HIKESHI: variants seen among roughly 807,000 people sequenced by gnomAD.
The protein encoded by HIKESHI is protein Hikeshi.
HIKESHI carries 13 observed loss-of-function variants against 25.7 expected under a neutral mutation model. The observed-to-expected ratio is 0.51, with a 90% CI of 0.33 to 0.80. The LOEUF (loss-of-function observed/expected upper bound fraction) is 0.80, where lower values mean the gene tolerates loss of function less well. Ranked by LOEUF, HIKESHI falls within the 30% of genes least tolerant of loss-of-function variation. HIKESHI has a pLI of 0.02. For synonymous variants in HIKESHI, 76 were observed against 78.7 expected (o/e 0.97, Z 0.18); for missense variants, 174 against 229.5 (o/e 0.76, Z 1.56).
chr11:86,308,267 G>A (rs11821622), intron 2 of HIKESHI, among the ~76,000 whole-genome samples: 4,623 of 53,080 alleles, frequency 0.087, 141 homozygotes, highest in African/African-American at 0.16. Flanking sequence ...CATATAAAAT[G>A]TGTATTATAT....
intron 2 of HIKESHI, among the ~76,000 whole-genome samples, chr11:86,307,462 G>A (rs1208723960): frequency 7.4e-6 from 1 of 135,950 alleles, no homozygotes; most frequent in African/African-American, 2.7e-5. Context: ...ATTATGTGTA[G>A]TATACATTAT....
chr11:86,345,641 T>A lies in HIKESHI; in HGVS notation c.*3T>A, dbSNP rs1947852356. The A allele has an allele frequency of 6.6e-7, 1 of 1,515,984 alleles. No homozygotes were observed. Among genetic ancestry groups the A allele is most frequent in the African/African-American group, 1.4e-5 (1 of 71,760 alleles). 93.9% of individuals were successfully genotyped at this position (1,515,984 alleles called of 1,614,324 possible). On this transcript the variant is annotated 3_prime_UTR_variant, in exon 5 of 5. Transcript: ENST00000278483. ...ACCCTCTCTTTTGGAAAACATAATT[T>A]GAATAAAATAATTTTTAATGGATTC...
intron 2 of HIKESHI, among the ~76,000 whole-genome samples, chr11:86,313,432 A>G (rs1029371605): frequency 3.9e-5 from 6 of 152,008 alleles, no homozygotes; most frequent in Admixed American, 3.3e-4. Flanking sequence ...GGGTTTCACC[A>G]TGTCAGCCAG....
chr11:86,323,408 A>G (rs996678190), intron 2 of HIKESHI, among the ~76,000 whole-genome samples: 2 of 152,198 alleles, frequency 1.3e-5, no homozygotes, highest in Non-Finnish European at 2.9e-5. Flanking sequence ...CTATATAATA[A>G]TCATAAGCAA....
rs79007376 is a variant in HIKESHI, at chr11:86,303,079, T to C, written c.30+601T>C. Among the ~76,000 whole-genome samples, 483 of 152,290 alleles carry C rather than the reference T, an allele frequency of 3.2e-3. 1 individual carries two copies. Among genetic ancestry groups the C allele is most frequent in the African/African-American group, 0.011 (463 of 41,560 alleles). On this transcript the variant is annotated intron_variant, in intron 1 of 4. Transcript: ENST00000278483. ...GATAACCAGAGAAGGATGCGAGTAG[T>C]GTGTTTCCTTATGGGTCAAAATAGA...
intron 2 of HIKESHI, among the ~76,000 whole-genome samples, chr11:86,326,952 A>G (rs1247731035): frequency 6.6e-6 from 1 of 152,168 alleles, no homozygotes; most frequent in Non-Finnish European, 1.5e-5. Flanking sequence ...AGAGCTGGGC[A>G]TGGTGGCGTG....
chr11:86,305,658 G>A (rs973797347), intron 1 of HIKESHI, among the ~76,000 whole-genome samples: 6 of 150,418 alleles, frequency 4.0e-5, no homozygotes, highest in Non-Finnish European at 5.9e-5. Flanking sequence ...GATTACAGCC[G>A]TGAGCCACCG....
chr11:86,337,201 A>G (rs1045776122), intron 2 of HIKESHI, among the ~76,000 whole-genome samples, 178 bp from the exon 3 acceptor site: 1 of 152,154 alleles, frequency 6.6e-6, no homozygotes, highest in African/African-American at 2.4e-5. Flanking sequence ...TAGTTCTTTT[A>G]TTCTTTGTTA....
chr11:86,310,624 C>T (rs1946810905), intron 2 of HIKESHI, among the ~76,000 whole-genome samples: 1 of 152,182 alleles, frequency 6.6e-6, no homozygotes, highest in Non-Finnish European at 1.5e-5. Flanking sequence ...TGAGAGAGGG[C>T]ATCCCTGTTT....
chr11:86,342,868 A>G (rs1435383215), intron 3 of HIKESHI, among the ~76,000 whole-genome samples: 2 of 152,234 alleles, frequency 1.3e-5, no homozygotes, highest in Non-Finnish European at 2.9e-5. Context: ...CAAAATATGT[A>G]TAGGTATTCT....
intron 2 of HIKESHI, among the ~76,000 whole-genome samples, chr11:86,320,177 A>G (rs1315085701): frequency 6.6e-6 from 1 of 152,252 alleles, no homozygotes; most frequent in Non-Finnish European, 1.5e-5. Flanking sequence ...TGATTTATAT[A>G]TGATGTATTC....
At chr11:86,345,464 A>AT (rs377658287) in intron 4 of HIKESHI, 120 bp from the exon 5 acceptor site, 139 of 611,072 alleles carry the variant, frequency 2.3e-4, no homozygotes, top group South Asian at 2.2e-3. Context: ...ATCTTTTTAG[A>AT]TTTTTTATAG....
chr11:86,332,432 GA>G (rs769335510), intron 2 of HIKESHI, among the ~76,000 whole-genome samples: 4 of 149,662 alleles, frequency 2.7e-5, no homozygotes, highest in East Asian at 1.9e-4. Flanking sequence ...GAACAGAGAG[GA>G]AAAAAAAATA....
intron 2 of HIKESHI, among the ~76,000 whole-genome samples, chr11:86,321,564 C>G (rs931554056): frequency 2.0e-5 from 3 of 151,878 alleles, no homozygotes; most frequent in Admixed American, 6.6e-5. Context: ...ACGTGTCACT[C>G]TGTTGCCCAG....
chr11:86,327,505 G>A (rs767290246), intron 2 of HIKESHI, among the ~76,000 whole-genome samples: 15 of 152,040 alleles, frequency 9.9e-5, no homozygotes, highest in East Asian at 1.9e-4. Flanking sequence ...TAGTAGAGAC[G>A]GGGTTTCGCC....
chr11:86,328,375 C>T (rs1342244268), intron 2 of HIKESHI, among the ~76,000 whole-genome samples: 2 of 151,692 alleles, frequency 1.3e-5, no homozygotes, highest in Non-Finnish European at 2.9e-5. Flanking sequence ...TCTTATGCCT[C>T]AGCTTCCTGA....
At position 86,331,203 on chromosome 11, in the gene HIKESHI, G is replaced by C. The variant is rs576984122; in HGVS notation, c.269-6176G>C. 3.3e-5 allele frequency among the ~76,000 whole-genome samples: 5 copies of C among 152,208 alleles called. No homozygotes were observed. In the South Asian group the frequency reaches 1.0e-3, roughly 32 times the overall value. On this transcript the variant is annotated intron_variant, in intron 2 of 4. Transcript: ENST00000278483. Reference sequence around the variant, plus strand: ...TAGAAAGGATGTTAGAAATTACCCAGATAGGGCCAGGTGCAGTGGCTCACG... The same window carrying C: ...TAGAAAGGATGTTAGAAATTACCCACATAGGGCCAGGTGCAGTGGCTCACG...
intron 2 of HIKESHI, among the ~76,000 whole-genome samples, chr11:86,311,945 T>C (rs1946845850): frequency 6.6e-6 from 1 of 152,230 alleles, no homozygotes; most frequent in Non-Finnish European, 1.5e-5. Flanking sequence ...TAATTTTTTT[T>C]CTTTTACATT....
At chr11:86,321,479 G>A (rs1005589978) in intron 2 of HIKESHI, among the ~76,000 whole-genome samples, 2 of 151,894 alleles carry the variant, frequency 1.3e-5, no homozygotes, top group African/African-American at 2.4e-5. Context: ...GTAATTAAAT[G>A]TTTTACCTTT....
Sources: gnomAD v4.1 joint callset for allele counts (sites outside exome capture counted in the v4.1 genomes callset) on GRCh38, gnomAD v4.1.1 for gene constraint, MANE v1.5 for transcripts, NCBI Gene and HGNC (gene_info 2026-07-23, HGNC 2026-07-21) for gene names.